MCPH1: variants seen among roughly 807,000 people sequenced by gnomAD.
The protein encoded by MCPH1 is microcephalin.
Under a neutral mutation model 84.5 loss-of-function variants are expected in MCPH1, and 104 were observed. That is an observed-to-expected ratio of 1.23 (90% CI 1.05 to 1.45). The LOEUF is 1.45. Ranked by LOEUF, MCPH1 falls within the 40% of genes most tolerant of loss-of-function variation. The pLI, the probability that MCPH1 is intolerant of heterozygous loss-of-function variation, is 0.00. For missense variants in MCPH1, 1,498 were observed against 1,005.7 expected (o/e 1.49, Z -6.62); for synonymous variants, 514 against 366.8 (o/e 1.40, Z -4.58).
At chr8:6,446,886 C>G in intron 8 of MCPH1, 5 of 985,076 alleles carry the variant, frequency 5.1e-6, no homozygotes, top group Non-Finnish European at 6.0e-6. Context: ...TGCCCCCCTG[C>G]GTCGACAGCC....
chr8:6,629,507 T>G (rs1014481280), intron 13 of MCPH1, among the ~76,000 whole-genome samples: 1 of 152,120 alleles, frequency 6.6e-6, no homozygotes. Context: ...ACACCAAAGA[T>G]ATTTTTGCAC....
intron 8 of MCPH1, among the ~76,000 whole-genome samples, chr8:6,450,277 A>G (rs1295219396): frequency 6.6e-6 from 1 of 152,062 alleles, no homozygotes; most frequent in Non-Finnish European, 1.5e-5. Context: ...GCAAGCAATT[A>G]GGAAGTGGTC....
At position 6,643,022 on chromosome 8, in the gene MCPH1, C is replaced by T; in HGVS notation, c.2481C>T (p.Ala827=). The T allele has an allele frequency of 1.9e-6, 3 of 1,614,140 alleles. No individual in the cohort carries two copies. Among genetic ancestry groups the T allele is most frequent in the Non-Finnish European group, 2.5e-6 (3 of 1,180,018 alleles). Residue 827 remains alanine (A), a synonymous_variant, in exon 14 of 14, where the codon GCC becomes GCT. Transcript: ENST00000344683. ...LDSITQHKVC[A]PENYLLSQ ...CCATCACCCAGCACAAGGTCTGTGC[C>T]CCTGAAAACTACCTATTGTCACAAT... is the stretch of plus-strand genomic sequence containing the variant.
chr8:6,592,196 A>G (rs962910858), intron 12 of MCPH1, among the ~76,000 whole-genome samples: 2 of 152,132 alleles, frequency 1.3e-5, no homozygotes, highest in Admixed American at 1.3e-4. Flanking sequence ...TCTGTCACCC[A>G]AACTGGAGTG....
intron 12 of MCPH1, among the ~76,000 whole-genome samples, chr8:6,601,900 T>C (rs951598837): frequency 2.6e-5 from 4 of 152,218 alleles, no homozygotes; most frequent in Non-Finnish European, 4.4e-5. Flanking sequence ...TATGGTTTCA[T>C]AGTAATGTTT....
intron 13 of MCPH1, among the ~76,000 whole-genome samples, chr8:6,627,691 G>A (rs1388608812): frequency 6.6e-6 from 1 of 152,090 alleles, no homozygotes; most frequent in Non-Finnish European, 1.5e-5. Flanking sequence ...AGCAGCTCGA[G>A]TCCAGCCTGG....
At chr8:6,420,855 A>T (rs1264153788) in intron 3 of MCPH1, among the ~76,000 whole-genome samples, 1 of 152,198 alleles carries the variant, frequency 6.6e-6, no homozygotes, top group East Asian at 1.9e-4. Context: ...CCTCAAAAGA[A>T]AGAATTCCAC....
At chr8:6,614,647 TCA>T (rs1186068724) in intron 12 of MCPH1, among the ~76,000 whole-genome samples, 2 of 152,198 alleles carry the variant, frequency 1.3e-5, no homozygotes, top group Non-Finnish European at 2.9e-5. Context: ...TCTCTGTAGT[TCA>T]ATGCCTATAT....
intron 9 of MCPH1, among the ~76,000 whole-genome samples, chr8:6,458,438 T>C (rs1184328276): frequency 3.4e-5 from 5 of 148,366 alleles, no homozygotes; most frequent in Admixed American, 6.7e-5. Flanking sequence ...TGCCACTGCA[T>C]TCCAGCCTGG....
intron 8 of MCPH1, chr8:6,447,287 G>C: frequency 1.0e-6 from 1 of 985,406 alleles, no homozygotes; most frequent in Non-Finnish European, 1.2e-6. Flanking sequence ...AAAGCCTTCA[G>C]TTTCAATGTC....
At chr8:6,469,911 C>T (rs908327937) in intron 9 of MCPH1, among the ~76,000 whole-genome samples, 1 of 151,966 alleles carries the variant, frequency 6.6e-6, no homozygotes, top group African/African-American at 2.4e-5. Context: ...TGTTTCATGT[C>T]TGTTATTGTT....
intron 12 of MCPH1, among the ~76,000 whole-genome samples, chr8:6,505,381 CTTTCTATATGT>C (rs1563306649): frequency 6.5e-4 from 33 of 50,940 alleles, no homozygotes; most frequent in African/African-American, 2.1e-3. Flanking sequence ...TATATATATT[CTTTCTATATGT>C]ATATAGAATA....
At chr8:6,555,450 G>A (rs938750718) in intron 12 of MCPH1, among the ~76,000 whole-genome samples, 8 of 139,378 alleles carry the variant, frequency 5.7e-5, no homozygotes, top group East Asian at 2.0e-4. Context: ...TTTGTTTTAC[G>A]GGGGGTGGTT....
intron 12 of MCPH1, among the ~76,000 whole-genome samples, chr8:6,585,806 G>T (rs897429329): frequency 1.3e-5 from 2 of 152,152 alleles, no homozygotes; most frequent in Non-Finnish European, 2.9e-5. Context: ...TCCCATGACT[G>T]CAGGGCAGTT....
chr8:6,638,676 C>A (rs771871132), intron 13 of MCPH1, among the ~76,000 whole-genome samples: 20 of 152,046 alleles, frequency 1.3e-4, no homozygotes, highest in Non-Finnish European at 2.6e-4. Context: ...CCGGCCAGGA[C>A]TGGCATTACT....
chr8:6,419,200 C>T (rs1387075407), intron 3 of MCPH1, among the ~76,000 whole-genome samples: 1 of 148,560 alleles, frequency 6.7e-6, no homozygotes, highest in Non-Finnish European at 1.5e-5. Flanking sequence ...CATTTTTACC[C>T]CAAATACTTA....
chr8:6,553,447 C>T (rs997229315), intron 12 of MCPH1, among the ~76,000 whole-genome samples: 3 of 152,204 alleles, frequency 2.0e-5, no homozygotes, highest in Middle Eastern at 3.4e-3. Context: ...ACTTCAGAGG[C>T]TTGCTGGTCT....
Position 6,527,507 on chromosome 8 carries a change from T to C in MCPH1, c.2214+27578T>C, listed in dbSNP as rs200053505. 3.4e-5 allele frequency: 54 copies of C among 1,587,166 alleles called. No individual in the cohort carries two copies. The African/African-American group carries it at 5.5e-4, about 16-fold the overall frequency. The stretch of plus-strand genomic sequence containing the variant: ...ATCATTTGAGACCGACTTTCATATC[T>C]GGAAAGTGTGCAGTCCTGAATTATA... On this transcript the variant is annotated intron_variant, in intron 12 of 13. Coordinates refer to ENST00000344683, the MANE Select transcript of MCPH1 (RefSeq NM_024596.5).
chr8:6,566,031 C>T (rs1027608989), intron 12 of MCPH1, among the ~76,000 whole-genome samples: 2 of 152,186 alleles, frequency 1.3e-5, no homozygotes, highest in Non-Finnish European at 2.9e-5. Flanking sequence ...GCAGGCTATA[C>T]GGCCACCATC....
Sources: allele counts gnomAD v4.1 joint callset (sites outside exome capture counted in the v4.1 genomes callset), GRCh38; gene constraint gnomAD v4.1.1; transcripts MANE v1.5; gene names NCBI Gene and HGNC (gene_info 2026-07-23, HGNC 2026-07-21).